ENTPD4: variants seen among roughly 807,000 people sequenced by gnomAD.
ENTPD4 encodes the protein ectonucleoside triphosphate diphosphohydrolase 4.
Under a neutral mutation model 79.1 loss-of-function variants are expected in ENTPD4, and 60 were observed. The observed-to-expected ratio is 0.76, with a 90% confidence interval of 0.62 to 0.94. The LOEUF is 0.94. Ranked by LOEUF, ENTPD4 falls within the 40% of genes least tolerant of loss-of-function variation. The pLI is 0.00. For missense variants in ENTPD4, 772 were observed against 775.1 expected (o/e 1.00, Z 0.05); for synonymous variants, 276 against 292.0 (o/e 0.95, Z 0.56).
At position 23,447,737 on chromosome 8, in the gene ENTPD4, C is replaced by G; in HGVS notation, c.355G>C (p.Asp119His). Residue 119 changes from aspartate to histidine, a missense_variant, in exon 4 of 13, where the codon GAT becomes CAT. Transcript: ENST00000358689. ...RHNGNPHDLL[D>H]IRQMRDKNRK... is the part of the protein sequence containing the mutation. ...TTTTTATCCCTCATTTGCCTGATAT[C>G]CAACAGATCATGTGGATTGCCATTA... 6.2e-7 allele frequency: 1 copy of G among 1,614,162 alleles called. No individual in the cohort carries two copies.
chr8:23,437,914 C>A (rs1006755886), intron 9 of ENTPD4, among the ~76,000 whole-genome samples: 1 of 152,182 alleles, frequency 6.6e-6, no homozygotes, highest in African/African-American at 2.4e-5. Flanking sequence ...CAAATGAATA[C>A]AGAAGTTAAG....
At chr8:23,452,091 G>A (rs1258666725) in intron 1 of ENTPD4, among the ~76,000 whole-genome samples, 1 of 152,220 alleles carries the variant, frequency 6.6e-6, no homozygotes, top group Non-Finnish European at 1.5e-5. Context: ...AGGTCACACA[G>A]CTCCTGGGAG....
At chr8:23,457,086 C>T (rs1800971245) in intron 1 of ENTPD4, among the ~76,000 whole-genome samples, 1 of 152,258 alleles carries the variant, frequency 6.6e-6, no homozygotes, top group Non-Finnish European at 1.5e-5. Flanking sequence ...CATCACTTTA[C>T]TGCCCAATAA....
chr8:23,441,747 C>T (rs1481559336), intron 7 of ENTPD4, 24 bp from the exon 8 acceptor site: 10 of 1,611,866 alleles, frequency 6.2e-6, no homozygotes, highest in Non-Finnish European at 8.5e-6. Context: ...AAAGTGTTCA[C>T]TGGAACAGAA....
rs201748962 is a variant in ENTPD4, at chr8:23,447,769, G to T, written c.323C>A (p.Pro108Gln). The change falls in exon 4 of 13, where the codon CCA becomes CAA. Residue 108 changes from proline to glutamine, a missense_variant. Pro to Gln is a moderately conservative substitution (Grantham distance 76). Transcript: ENST00000358689. ...SGSRVFVYCW[P>Q]RHNGNPHDLL... ...ATCATGTGGATTGCCATTATGCCTTGGCCAGCAGTAAACAAATACTCGAGA... is the reference window on the plus strand; with the variant it reads ...ATCATGTGGATTGCCATTATGCCTTTGCCAGCAGTAAACAAATACTCGAGA... The T allele has an allele frequency of 1.2e-6, 2 of 1,613,956 alleles. No homozygotes were observed. Among genetic ancestry groups the T allele is most frequent in the African/African-American group, 2.7e-5 (2 of 74,896 alleles).
intron 12 of ENTPD4, 32 bp from the exon 13 acceptor site, chr8:23,433,186 A>T (rs752930736): frequency 6.3e-7 from 1 of 1,597,940 alleles, no homozygotes; most frequent in African/African-American, 1.3e-5. Flanking sequence ...AACAAACAGG[A>T]CAGTAAGCAA....
chr8:23,438,280 A>AAT (rs1229453471), intron 9 of ENTPD4, among the ~76,000 whole-genome samples: 1 of 152,244 alleles, frequency 6.6e-6, no homozygotes, highest in African/African-American at 2.4e-5. Context: ...GTCAGAATTC[A>AAT]ATATTCATCA....
intron 4 of ENTPD4, among the ~76,000 whole-genome samples, chr8:23,446,246 T>C (rs1277764116): frequency 6.6e-6 from 1 of 152,232 alleles, no homozygotes; most frequent in African/African-American, 2.4e-5. Flanking sequence ...TCTAGGATGA[T>C]AATGTAGTTG....
At chr8:23,435,795 G>A (rs1035002985) in intron 10 of ENTPD4, among the ~76,000 whole-genome samples, 1 of 152,194 alleles carries the variant, frequency 6.6e-6, no homozygotes, top group Admixed American at 6.5e-5. Context: ...TTGGAAAAGT[G>A]AAGCAGTATT....
At chr8:23,446,341 G>C (rs911691756) in intron 4 of ENTPD4, among the ~76,000 whole-genome samples, 1 of 152,108 alleles carries the variant, frequency 6.6e-6, no homozygotes, top group African/African-American at 2.4e-5. Flanking sequence ...ATGGGACCTG[G>C]TACGTGAAGC....
intron 11 of ENTPD4, 46 bp downstream of exon 11, chr8:23,435,346 A>G (rs1054706442): frequency 5.7e-6 from 8 of 1,400,262 alleles, no homozygotes; most frequent in African/African-American, 2.8e-5. Flanking sequence ...CCAACACTGC[A>G]TTATGGTTCT....
At chr8:23,456,080 T>A (rs1440595957) in intron 1 of ENTPD4, among the ~76,000 whole-genome samples, 1 of 152,234 alleles carries the variant, frequency 6.6e-6, no homozygotes, top group Admixed American at 6.5e-5. Flanking sequence ...CAAAATATGA[T>A]CAGCTAAGAA....
At position 23,429,640 on chromosome 8, in the gene ENTPD4, ATC is replaced by A. The variant is rs1800421016; in HGVS notation, c.*3284_*3285del. On this transcript the variant is annotated 3_prime_UTR_variant, in exon 13 of 13. Coordinates refer to ENST00000358689, the MANE Select transcript of ENTPD4 (RefSeq NM_004901.5). ...GTAGGCCTGAGTTTAAAATGTAAAT[ATC>A]TGTTTATCCAGAGTTTGTTAATCTA... 1 of 985,328 alleles carries A rather than the reference ATC, an allele frequency of 1.0e-6. No individual in the cohort carries two copies. The highest frequency in any genetic ancestry group is 4.7e-5 in the South Asian group (1 of 21,288). 61.0% of individuals were successfully genotyped at this position (985,328 alleles called of 1,614,324 possible).
At chr8:23,442,608 G>C (rs1288185316) in intron 6 of ENTPD4, among the ~76,000 whole-genome samples, 14 of 152,020 alleles carry the variant, frequency 9.2e-5, no homozygotes, top group African/African-American at 3.4e-4. Context: ...ACTTCAACCC[G>C]GGAGGTGGAG....
intron 8 of ENTPD4, 131 bp from the exon 9 acceptor site, chr8:23,440,046 T>G: frequency 1.5e-6 from 1 of 662,368 alleles, no homozygotes; most frequent in South Asian, 2.0e-5. Context: ...AGGACCCTTC[T>G]AAGCATCACT....
At position 23,429,572 on chromosome 8, in the gene ENTPD4, C is replaced by A. The variant is rs532745204; in HGVS notation, c.*3354G>T. 4 of 985,378 alleles carry A rather than the reference C, an allele frequency of 4.1e-6. No individual in the cohort carries two copies. The South Asian group carries it at 1.9e-4, about 46-fold the overall frequency. The allele number at this position is 985,378 out of a possible 1,614,324, so 61.0% of individuals were successfully genotyped here. On this transcript the variant is annotated 3_prime_UTR_variant, in exon 13 of 13. Transcript: ENST00000358689. ...AAAACTCATTTGCCATTTTTAGTTT[C>A]TTGCTAAGTGATACATGCTCCTTAT... is the stretch of plus-strand genomic sequence containing the variant.
In ENTPD4 at chr8:23,437,052, G is replaced by T; in HGVS notation, c.1256C>A (p.Pro419His). ...TTCACTGTTCTGGAAGTGAATTGGGGGCTGGTAGACCCCATTGAGGGAAGT... is the reference window on the plus strand; with the variant it reads ...TTCACTGTTCTGGAAGTGAATTGGGTGCTGGTAGACCCCATTGAGGGAAGT... ...TQTSLNGVYQPPIHFQNSEFY... is the reference protein window; with the variant it reads ...TQTSLNGVYQHPIHFQNSEFY... Residue 419 changes from proline (P) to histidine (H), a missense_variant, in exon 10 of 13, where the codon CCC (proline) becomes CAC (histidine). By Grantham distance (77) the Pro-to-His change is moderately conservative. Transcript: ENST00000358689. 6.2e-7 allele frequency: 1 copy of T among 1,614,162 alleles called. No homozygotes were observed. The highest frequency in any genetic ancestry group is 8.5e-7 in the Non-Finnish European group (1 of 1,180,008).
In ENTPD4 at chr8:23,448,724, A is replaced by C; in HGVS notation, c.206+18T>G. 1.9e-6 allele frequency: 3 copies of C among 1,608,806 alleles called. No homozygotes were observed. The highest frequency in any genetic ancestry group is 2.2e-5 in the South Asian group (2 of 90,950). On this transcript the variant is annotated intron_variant, in intron 3 of 12. Transcript: ENST00000358689. ...GGTAAGGCTTCTGGTCTAGAAAGCA[A>C]ATGTTTTTATCTCTTACCTTTGAAA...
chr8:23,447,019 T>C (rs1203411433), intron 4 of ENTPD4, among the ~76,000 whole-genome samples: 1 of 152,198 alleles, frequency 6.6e-6, no homozygotes, highest in Non-Finnish European at 1.5e-5. Flanking sequence ...GACATAAAAC[T>C]TGTTTCAAGG....
Sources: allele counts gnomAD v4.1 joint callset (sites outside exome capture counted in the v4.1 genomes callset), GRCh38; gene constraint gnomAD v4.1.1; transcripts MANE v1.5; gene names NCBI Gene and HGNC (gene_info 2026-07-23, HGNC 2026-07-21).